KRT82: variants seen among roughly 807,000 people sequenced by gnomAD.
The protein encoded by KRT82 is keratin, type II cuticular Hb2.
Under a neutral mutation model 48.0 loss-of-function variants are expected in KRT82, and 44 were observed. The ratio of observed to expected loss-of-function variants is 0.92; its 90% confidence interval spans 0.72 to 1.18. The LOEUF is 1.18. KRT82 is among the 50% of genes most tolerant of loss of function. The pLI, the probability that KRT82 is intolerant of heterozygous loss-of-function variation, is 0.00. For synonymous variants in KRT82, 297 were observed against 278.3 expected, an observed-to-expected ratio of 1.07 and a Z score of -0.67; for missense variants, 701 against 671.4, an observed-to-expected ratio of 1.04 and a Z score of -0.49.
Position 52,406,241 on chromosome 12 carries a change from C to T in KRT82, c.37G>A (p.Gly13Ser). The change falls in exon 1 of 9, where the codon GGC (glycine) becomes AGC (serine). Residue 13 changes from glycine (G) to serine (S), a missense_variant. Coordinates refer to ENST00000257974, the MANE Select transcript of KRT82 (RefSeq NM_033033.4). ...YHSFQPGSRC[G>S]SQSFSSYSAV... is the part of the protein sequence containing the mutation. ...GAGTATGAGCTGAAACTCTGACTGCCACACCTGGAGCCTGGCTGGAAAGAG... is the reference window on the plus strand; with the variant it reads ...GAGTATGAGCTGAAACTCTGACTGCTACACCTGGAGCCTGGCTGGAAAGAG... 1 of 1,607,798 alleles carries T rather than the reference C, an allele frequency of 6.2e-7. No individual in the cohort carries two copies. Among genetic ancestry groups the T allele is most frequent in the Middle Eastern group, 1.7e-4 (1 of 6,038 alleles).
intron 5 of KRT82, among the ~76,000 whole-genome samples, chr12:52,398,345 C>T (rs1178665070): frequency 6.6e-6 from 1 of 152,000 alleles, no homozygotes; most frequent in Admixed American, 6.5e-5. Context: ...GAGGATGGAG[C>T]ATGTATTACA....
chr12:52,402,450 T>G (rs1939801999), intron 2 of KRT82: 1 of 152,348 alleles, frequency 6.6e-6, no homozygotes, highest in African/African-American at 2.4e-5. Context: ...TGTCACAGTC[T>G]GCTAGAGTTG....
At chr12:52,400,188 G>C (rs1263027501) in intron 4 of KRT82, 39 bp from the exon 5 acceptor site, 1 of 1,589,932 alleles carries the variant, frequency 6.3e-7, no homozygotes, top group Non-Finnish European at 8.6e-7. Context: ...TGAGCTCTCT[G>C]AGCGTCCGGG....
Position 52,401,322 on chromosome 12 carries a change from G to A in KRT82, c.648C>T (p.Pro216=). 6.2e-7 allele frequency: 1 copy of A among 1,614,102 alleles called. No individual in the cohort carries two copies. The highest frequency in any genetic ancestry group is 8.5e-7 in the Non-Finnish European group (1 of 1,179,970). Residue 216 remains proline (P), a synonymous_variant, in exon 3 of 9, where the codon CCC becomes CCT. Transcript: ENST00000257974. ...KKYEEELSLR[P]CVENEFVALK... ...AGGCAACAAACTCATTCTCAACACA[G>A]GGACGCAGGGAGAGCTCCTCTTCGT... is the stretch of plus-strand genomic sequence containing the variant.
chr12:52,404,006 C>T (rs1344137562), intron 1 of KRT82, 97 bp from the exon 2 acceptor site: 6 of 1,194,582 alleles, frequency 5.0e-6, no homozygotes, highest in Non-Finnish European at 5.9e-6. Context: ...TCTCCCAACA[C>T]ATGGCTACCA....
chr12:52,406,007 A>T lies in KRT82; in HGVS notation c.271T>A (p.Cys91Ser). ...RLGATCGPSA[C>S]ITPVTINESL... is the part of the protein sequence containing the mutation. ...TCATTGATGGTGACAGGGGTGATGC[A>T]GGCAGAAGGCCCACAGGTGGCTCCC... is the stretch of plus-strand genomic sequence containing the variant. Residue 91 changes from cysteine (C) to serine (S), a missense_variant, in exon 1 of 9, where the codon TGC (cysteine) becomes AGC (serine). By Grantham distance (112) the Cys-to-Ser change is moderately radical. Coordinates refer to ENST00000257974, the MANE Select transcript of KRT82 (RefSeq NM_033033.4). The T allele has an allele frequency of 6.2e-7, 1 of 1,614,214 alleles. No homozygotes were observed. The highest frequency in any genetic ancestry group is 1.1e-5 in the South Asian group (1 of 91,086).
At position 52,406,303 on chromosome 12, in the gene KRT82, C is replaced by T. The variant is rs776604458; in HGVS notation, c.-26G>A. On this transcript the variant is annotated 5_prime_UTR_variant, in exon 1 of 9. Coordinates refer to ENST00000257974, the MANE Select transcript of KRT82 (RefSeq NM_033033.4). ...GGCAGGAGAGAGAGGCAGAGAAATG[C>T]GGCCCTGGAGGAAAGAACCGGGGCA... The T allele has an allele frequency of 4.5e-5, 70 of 1,546,654 alleles. No homozygotes were observed. The East Asian group carries it at 6.1e-4, about 14-fold the overall frequency.
At chr12:52,404,300 C>T (rs1228568264) in intron 1 of KRT82, among the ~76,000 whole-genome samples, 3 of 152,190 alleles carry the variant, frequency 2.0e-5, no homozygotes, top group Non-Finnish European at 2.9e-5. Flanking sequence ...TGGGAAGGGA[C>T]TCTGTTAACT....
chr12:52,396,748 G>C (rs1048189982), intron 6 of KRT82, 135 bp downstream of exon 6: 16 of 975,214 alleles, frequency 1.6e-5, no homozygotes, highest in Middle Eastern at 3.3e-4. Flanking sequence ...GCTTGCTTCT[G>C]CTTGAGCAAG....
chr12:52,404,137 G>A (rs539880324), intron 1 of KRT82, among the ~76,000 whole-genome samples: 45 of 152,308 alleles, frequency 3.0e-4, no homozygotes, highest in African/African-American at 8.9e-4. Context: ...CAGAGGTTGC[G>A]TGTTGTAGTG....
intron 1 of KRT82, 143 bp from the exon 2 acceptor site, chr12:52,404,052 T>C (rs995616578): frequency 2.9e-6 from 2 of 683,888 alleles, no homozygotes; most frequent in Non-Finnish European, 4.9e-6. Context: ...GGTCTCTGCA[T>C]AGACTGGCAT....
intron 5 of KRT82, among the ~76,000 whole-genome samples, chr12:52,398,008 C>T (rs1425331591): frequency 6.6e-6 from 1 of 152,150 alleles, no homozygotes; most frequent in African/African-American, 2.4e-5. Flanking sequence ...GATTGCACCA[C>T]TCACTGCACT....
At position 52,396,004 on chromosome 12, in the gene KRT82, G is replaced by A. The variant is rs1565780884; in HGVS notation, c.1289+8C>T. The A allele has an allele frequency of 1.9e-6, 3 of 1,613,866 alleles. No individual in the cohort carries two copies. The highest frequency in any genetic ancestry group is 1.7e-6 in the Non-Finnish European group (2 of 1,180,002). ...GCCCATCTTTGACCCCCTCCTGGAG[G>A]AGCTCACCTGTGCTCTTCACCCTCC... On this transcript the variant is annotated splice_region_variant and intron_variant, in intron 7 of 8. Coordinates refer to ENST00000257974, the MANE Select transcript of KRT82 (RefSeq NM_033033.4).
At chr12:52,403,264 T>C (rs1358136937) in intron 2 of KRT82, among the ~76,000 whole-genome samples, 1 of 152,032 alleles carries the variant, frequency 6.6e-6, no homozygotes, top group African/African-American at 2.4e-5. Context: ...CTGTGGTAGC[T>C]TGGACATGGA....
chr12:52,397,702 C>T (rs775601962), intron 5 of KRT82, among the ~76,000 whole-genome samples: 30 of 152,190 alleles, frequency 2.0e-4, no homozygotes, highest in Non-Finnish European at 3.7e-4. Context: ...TATTTGGTTA[C>T]AGTAGGAAAG....
At position 52,394,953 on chromosome 12, in the gene KRT82, C is replaced by G; in HGVS notation, c.*22G>C. 6.2e-7 allele frequency: 1 copy of G among 1,602,170 alleles called. No homozygotes were observed. The highest frequency in any genetic ancestry group is 8.6e-7 in the Non-Finnish European group (1 of 1,169,576). On this transcript the variant is annotated 3_prime_UTR_variant, in exon 9 of 9. Transcript: ENST00000257974. ...CAGGGCCATGGGGCAGGGGCTCTGT[C>G]TCCTGGATGTCTCGGATCATGCTAA... is the stretch of plus-strand genomic sequence containing the variant.
At chr12:52,401,383 G>A (rs371533067) in intron 2 of KRT82, 34 bp from the exon 3 acceptor site, 22 of 1,607,080 alleles carry the variant, frequency 1.4e-5, no homozygotes, top group Admixed American at 3.3e-5. Context: ...TGCTTTAGTC[G>A]GGCTTGTGGA....
chr12:52,405,891 G>A lies in KRT82; in HGVS notation c.387C>T (p.Asn129=), dbSNP rs143399825. ...DEKEQIKCLN[N]RFASFINKVR... is the part of the protein sequence containing the mutation. ...CCTTGTTGATGAAAGATGCGAAACG[G>A]TTGTTGAGGCACTTGATCTGCTCCT... The change falls in exon 1 of 9, where the codon AAC becomes AAT. Residue 129 remains asparagine (N), a synonymous_variant. Coordinates refer to ENST00000257974, the MANE Select transcript of KRT82 (RefSeq NM_033033.4). The A allele has an allele frequency of 7.4e-6, 12 of 1,613,132 alleles. No homozygotes were observed. Among genetic ancestry groups the A allele is most frequent in the Admixed American group, 1.7e-5 (1 of 59,962 alleles).
intron 8 of KRT82, 81 bp from the exon 9 acceptor site, chr12:52,395,276 A>G: frequency 8.5e-7 from 1 of 1,180,720 alleles, no homozygotes; most frequent in Non-Finnish European, 1.2e-6. Flanking sequence ...CAGCCAGGCC[A>G]TTCCTCCCAC....
Sources: allele counts gnomAD v4.1 joint callset (sites outside exome capture counted in the v4.1 genomes callset), GRCh38; gene constraint gnomAD v4.1.1; transcripts MANE v1.5; gene names NCBI Gene and HGNC (gene_info 2026-07-23, HGNC 2026-07-21).